PCCB: variants seen among roughly 807,000 people sequenced by gnomAD.
PCCB encodes propionyl-CoA carboxylase beta chain, mitochondrial.
PCCB carries 43 observed loss-of-function variants against 60.7 expected under a neutral mutation model. The ratio of observed to expected loss-of-function variants is 0.71; its 90% CI spans 0.55 to 0.91. PCCB has a LOEUF of 0.91. PCCB is among the 40% of genes least tolerant of loss of function. The probability of loss-of-function intolerance (pLI) is 0.00; values close to 1 mark genes in which losing one functional copy is unlikely to be tolerated. For synonymous variants in PCCB, 276 were observed against 255.9 expected (o/e 1.08, Z -0.75); for missense variants, 766 against 702.8 (o/e 1.09, Z -1.02).
chr3:136,260,219 A>G (rs897157862), intron 3 of PCCB: 7 of 510,960 alleles, frequency 1.4e-5, no homozygotes, highest in Non-Finnish European at 2.1e-5. Context: ...GATTCCAGGC[A>G]TGTGCCACCA....
At chr3:136,320,331 G>C (rs764660332) in intron 10 of PCCB, among the ~76,000 whole-genome samples, 2 of 152,296 alleles carry the variant, frequency 1.3e-5, no homozygotes, top group Middle Eastern at 3.4e-3. Flanking sequence ...CATGAACACA[G>C]AATGTCTTTC....
chr3:136,263,067 G>A (rs1033186381), intron 5 of PCCB, among the ~76,000 whole-genome samples: 2 of 145,402 alleles, frequency 1.4e-5, no homozygotes, highest in Non-Finnish European at 3.0e-5. Flanking sequence ...TGATTCTCCT[G>A]CCTCAGCCTC....
intron 1 of PCCB, among the ~76,000 whole-genome samples, chr3:136,251,632 C>T (rs1181521843): frequency 6.6e-6 from 1 of 152,108 alleles, no homozygotes; most frequent in Non-Finnish European, 1.5e-5. Flanking sequence ...TTTCTCTCCC[C>T]TGGGGCTACT....
At chr3:136,316,181 C>T (rs149000493) in intron 9 of PCCB, among the ~76,000 whole-genome samples, 1,691 of 150,696 alleles carry the variant, frequency 0.011, 28 homozygotes, top group East Asian at 0.047. Context: ...AATTGCACCA[C>T]TGCATTCCAG....
chr3:136,250,663 C>T, intron 1 of PCCB, 105 bp downstream of exon 1: 6 of 1,162,288 alleles, frequency 5.2e-6, no homozygotes, highest in Non-Finnish European at 7.2e-6. Context: ...CCGCACGGTG[C>T]CTGGAGGGGC....
chr3:136,275,385 T>C (rs1052300340), intron 5 of PCCB, among the ~76,000 whole-genome samples: 1 of 152,146 alleles, frequency 6.6e-6, no homozygotes, highest in Non-Finnish European at 1.5e-5. Context: ...TGGTGTCTCC[T>C]TGAGTAGCTT....
At chr3:136,294,819 T>G (rs375532694) in intron 7 of PCCB, among the ~76,000 whole-genome samples, 2 of 151,434 alleles carry the variant, frequency 1.3e-5, no homozygotes, top group South Asian at 2.1e-4. Context: ...GGTCTCACTG[T>G]GTTGTCCAGG....
At chr3:136,310,248 C>T (rs937832864) in intron 9 of PCCB, among the ~76,000 whole-genome samples, 1 of 151,900 alleles carries the variant, frequency 6.6e-6, no homozygotes, top group African/African-American at 2.4e-5. Context: ...CTGTAATCCC[C>T]GCTACTCGGG....
In PCCB at chr3:136,250,563, G is replaced by A. The variant is rs879253813; in HGVS notation, c.183+5G>A. ...ATTGACGCGCAGCACAAGCGAGTGA[G>A]TCCTGAGGGGCCTAAGTGAGTCCCG... is the stretch of plus-strand genomic sequence containing the variant. On this transcript the variant is annotated splice_donor_5th_base_variant and intron_variant, in intron 1 of 14. Transcript: ENST00000251654. 6 of 1,609,868 alleles carry A rather than the reference G, an allele frequency of 3.7e-6. No individual in the cohort carries two copies. In the South Asian group the frequency reaches 6.6e-5, roughly 18 times the overall value.
chr3:136,286,641 G>T (rs150606373), intron 6 of PCCB, among the ~76,000 whole-genome samples: 2 of 152,208 alleles, frequency 1.3e-5, no homozygotes, highest in Non-Finnish European at 2.9e-5. Context: ...TAATCAAATT[G>T]CTTCTTAGCA....
rs539806099 is a variant in PCCB, at chr3:136,307,083, T to A, written c.966+5972T>A. ...GCAAGGAAACAACAGAAAAGCACTT[T>A]CAGGAGGCTGAAGGAAAGAATCTGT... is the stretch of plus-strand genomic sequence containing the variant. On this transcript the variant is annotated intron_variant, in intron 9 of 14. Coordinates refer to ENST00000251654, the MANE Select transcript of PCCB (RefSeq NM_000532.5). 8.6e-4 allele frequency among the ~76,000 whole-genome samples: 106 copies of A among 122,704 alleles called. 35 individuals carry two copies. The highest frequency in any genetic ancestry group is 6.0e-4 in the Non-Finnish European group (33 of 54,990). 80.5% of individuals were successfully genotyped at this position (122,704 alleles called of 152,430 possible). A position where few individuals can be genotyped will look rare whatever the true frequency, so the allele number is the denominator to read the frequency against.
chr3:136,261,455 G>A (rs1279558484), intron 4 of PCCB, among the ~76,000 whole-genome samples: 1 of 152,224 alleles, frequency 6.6e-6, no homozygotes, highest in Non-Finnish European at 1.5e-5. Flanking sequence ...GTCAAGGACT[G>A]TAGGAATATT....
At chr3:136,279,706 C>T (rs190576808) in intron 5 of PCCB, among the ~76,000 whole-genome samples, 18 of 152,082 alleles carry the variant, frequency 1.2e-4, no homozygotes, top group East Asian at 9.7e-4. Context: ...TTCGCTCTGT[C>T]GCCCAGGCTG....
In PCCB at chr3:136,250,343, T is replaced by G. The variant is rs1383173923; in HGVS notation, c.-33T>G. 4 of 1,483,252 alleles carry G rather than the reference T, an allele frequency of 2.7e-6. No homozygotes were observed. The highest frequency in any genetic ancestry group is 2.8e-5 in the African/African-American group (2 of 71,224). 91.9% of individuals were successfully genotyped at this position (1,483,252 alleles called of 1,614,324 possible). A position where few individuals can be genotyped will look rare whatever the true frequency, so the allele number is the denominator to read the frequency against. ...ACGCTTTAGCACATGCGTACTCAGG[T>G]GCGCCGGTAGGGGACGCGCCGGCAC... is the stretch of plus-strand genomic sequence containing the variant. On this transcript the variant is annotated 5_prime_UTR_variant, in exon 1 of 15. Transcript: ENST00000251654.
intron 9 of PCCB, 81 bp downstream of exon 9, chr3:136,301,192 C>T: frequency 8.9e-7 from 1 of 1,127,020 alleles, no homozygotes; most frequent in Non-Finnish European, 1.3e-6. Flanking sequence ...TGAGGAAGCA[C>T]TGGACCACTT....
rs147833159 is a variant in PCCB at position 136,319,125 on chromosome 3, A to G, written c.1090+2061A>G. ...ATCCTAGTGGATGTGAAGTGAATGGAATTGTGTTTTTGATTTGCATTTCTC... is the reference window on the plus strand; with the variant it reads ...ATCCTAGTGGATGTGAAGTGAATGGGATTGTGTTTTTGATTTGCATTTCTC... On this transcript the variant is annotated intron_variant, in intron 10 of 14. Transcript: ENST00000251654. Among the ~76,000 whole-genome samples, 600 of 152,248 alleles carry G rather than the reference A, an allele frequency of 3.9e-3. 2 individuals carry two copies. Among genetic ancestry groups the G allele is most frequent in the Middle Eastern group, 0.031 (9 of 294 alleles).
At chr3:136,300,090 CTACACATATACATACA>C (rs1934199013) in intron 8 of PCCB, among the ~76,000 whole-genome samples, 1 of 146,730 alleles carries the variant, frequency 6.8e-6, no homozygotes, top group African/African-American at 2.7e-5. Flanking sequence ...ATACGCATAT[CTACACATATACATACA>C]TGCATATCTA....
At position 136,282,370 on chromosome 3, in the gene PCCB, G is replaced by A. The variant is rs112506975; in HGVS notation, c.544-1467G>A. ...ATCTCAGATATTCTTGGAGCTTCCT[G>A]TTCTCTCTTCTGTGATGTCACTCAG... On this transcript the variant is annotated intron_variant, in intron 5 of 14. Transcript: ENST00000251654. Among the ~76,000 whole-genome samples the A allele has an allele frequency of 8.6e-3, 1,317 of 152,272 alleles. 21 individuals carry two copies. The highest frequency in any genetic ancestry group is 0.03 in the African/African-American group (1,250 of 41,552).
intron 10 of PCCB, among the ~76,000 whole-genome samples, chr3:136,322,259 C>T (rs772214120): frequency 3.9e-5 from 6 of 152,118 alleles, no homozygotes; most frequent in Admixed American, 6.5e-5. Flanking sequence ...TGATAGATTA[C>T]GTTAATTGAT....
Sources: allele counts gnomAD v4.1 joint callset (sites outside exome capture counted in the v4.1 genomes callset), GRCh38; gene constraint gnomAD v4.1.1; transcripts MANE v1.5; gene names NCBI Gene and HGNC (gene_info 2026-07-23, HGNC 2026-07-21).